Variants in CPAMD8 observed in about 807,000 individuals in gnomAD.
CPAMD8 encodes C3 and PZP like alpha-2-macroglobulin domain containing 8, also known as C3 and PZP-like alpha-2-macroglobulin domain-containing protein 8.
In CPAMD8, 146 loss-of-function variants were observed where a neutral mutation model predicts 224.7. The ratio of observed to expected loss-of-function variants is 0.65; its 90% CI spans 0.57 to 0.75. The LOEUF is 0.75. CPAMD8 is among the 30% of genes least tolerant of loss of function. The pLI is 0.00. For missense variants in CPAMD8, 2,301 were observed against 2,537.5 expected (o/e 0.91, Z 2.00); for synonymous variants, 966 against 1,044.6 (o/e 0.92, Z 1.45).
Position 17,008,501 on chromosome 19 carries a change from T to A in CPAMD8, c.559+4A>T, listed in dbSNP as rs1177706887. On this transcript the variant is annotated splice_donor_region_variant and intron_variant, in intron 7 of 41. Coordinates refer to ENST00000443236, the MANE Select transcript of CPAMD8 (RefSeq NM_015692.5). ...GCCCCCAAGCCGCAGAGGAAGAAAC[T>A]TACCGCAGCAGAACGGCTTTAAGTG... 1 of 1,612,722 alleles carries A rather than the reference T, an allele frequency of 6.2e-7. No homozygotes were observed. The highest frequency in any genetic ancestry group is 1.1e-5 in the South Asian group (1 of 91,012).
chr19:16,973,493 C>T (rs1336445889), intron 17 of CPAMD8, among the ~76,000 whole-genome samples: 3 of 151,966 alleles, frequency 2.0e-5, no homozygotes, highest in Non-Finnish European at 2.9e-5. Flanking sequence ...GGATTACAGG[C>T]GCCCACCACC....
chr19:17,012,396 G>A (rs1353655177), intron 3 of CPAMD8, among the ~76,000 whole-genome samples: 2 of 149,128 alleles, frequency 1.3e-5, no homozygotes, highest in Non-Finnish European at 3.0e-5. Context: ...TGCCCAGGCT[G>A]GAGTGCAGTG....
chr19:16,915,936 TCTC>T (rs1226315779), intron 27 of CPAMD8, among the ~76,000 whole-genome samples: 1 of 151,320 alleles, frequency 6.6e-6, no homozygotes, highest in Non-Finnish European at 1.5e-5. Context: ...TTTTTCTCTC[TCTC>T]TTTTCTTTCC....
Position 16,917,024 on chromosome 19 carries a change from G to A in CPAMD8, c.3630-2211C>T, listed in dbSNP as rs373296650. ...GTGCTGGGAATTGTGGAATTCCCATGGTCTAGCATACTGTGCTCTCTACTT... is the reference window on the plus strand; with the variant it reads ...GTGCTGGGAATTGTGGAATTCCCATAGTCTAGCATACTGTGCTCTCTACTT... On this transcript the variant is annotated intron_variant, in intron 27 of 41. Coordinates refer to ENST00000443236, the MANE Select transcript of CPAMD8 (RefSeq NM_015692.5). Among the ~76,000 whole-genome samples, 184 of 152,262 alleles carry A rather than the reference G, an allele frequency of 1.2e-3. 2 individuals are homozygous for A. In the South Asian group the frequency reaches 0.035, roughly 29 times the overall value.
chr19:16,948,100 C>T (rs964973455), intron 20 of CPAMD8, among the ~76,000 whole-genome samples: 6 of 152,200 alleles, frequency 3.9e-5, no homozygotes, highest in South Asian at 2.1e-4. Flanking sequence ...ATTGTGGGTG[C>T]ATATGCAAGC....
intron 4 of CPAMD8, 24 bp downstream of exon 4, chr19:17,011,568 C>T: frequency 6.2e-7 from 1 of 1,614,192 alleles, no homozygotes; most frequent in Non-Finnish European, 8.5e-7. Context: ...GCCGGCCCTC[C>T]CTGCATCCAT....
intron 20 of CPAMD8, among the ~76,000 whole-genome samples, chr19:16,948,842 GGAAGA>G (rs2054194132): frequency 8.5e-6 from 1 of 117,446 alleles, no homozygotes; most frequent in Non-Finnish European, 1.8e-5. Context: ...GGAGGAGAAG[GGAAGA>G]GAAGGGAAGG....
intron 22 of CPAMD8, among the ~76,000 whole-genome samples, chr19:16,942,999 TTTTTC>T (rs2053951684): frequency 7.0e-6 from 1 of 142,084 alleles, no homozygotes; most frequent in Admixed American, 7.0e-5. Context: ...ACTTTTTTCT[TTTTTC>T]TTTTTTCTTT....
intron 22 of CPAMD8, among the ~76,000 whole-genome samples, chr19:16,943,057 G>A (rs1318376281): frequency 7.0e-6 from 1 of 142,132 alleles, no homozygotes; most frequent in Admixed American, 7.3e-5. Context: ...ACCCAGGCTA[G>A]AGTGCAGTGT....
intron 6 of CPAMD8, 89 bp downstream of exon 6, chr19:17,009,214 C>G: frequency 6.2e-7 from 1 of 1,609,352 alleles, no homozygotes; most frequent in African/African-American, 1.3e-5. Context: ...ACCCAGAAGG[C>G]AGACAGTGAG....
At chr19:16,995,777 G>C (rs970614898) in intron 11 of CPAMD8, among the ~76,000 whole-genome samples, 1 of 152,166 alleles carries the variant, frequency 6.6e-6, no homozygotes, top group African/African-American at 2.4e-5. Flanking sequence ...CACTTTGGGG[G>C]TCTGAGGTAG....
rs747238752 is a variant in CPAMD8, at chr19:16,929,253, A to G, written c.2846-13T>C. On this transcript the variant is annotated splice_polypyrimidine_tract_variant and intron_variant, in intron 23 of 41. Transcript: ENST00000443236. ...ATGTGGACTCTCTCTGGATGGAGGA[A>G]AGGAGATGGGGAGTTGAGAGGGCAC... 3.9e-5 allele frequency: 62 copies of G among 1,586,070 alleles called. No homozygotes were observed. The highest frequency in any genetic ancestry group is 5.2e-5 in the Non-Finnish European group (60 of 1,161,816).
chr19:16,920,950 C>G (rs942945031), intron 27 of CPAMD8, among the ~76,000 whole-genome samples: 2 of 151,664 alleles, frequency 1.3e-5, no homozygotes, highest in Admixed American at 6.6e-5. Flanking sequence ...GCTCAGCCAG[C>G]TTTTGGAGAG....
rs777926439 is a variant in CPAMD8, at chr19:16,894,756, T to C, written c.5427-1417A>G. 8.2e-5 allele frequency: 22 copies of C among 269,048 alleles called. 1 individual carries two copies. The highest frequency in any genetic ancestry group is 3.4e-4 in the South Asian group (9 of 26,292). 16.7% of individuals were successfully genotyped at this position (269,048 alleles called of 1,614,324 possible). On this transcript the variant is annotated intron_variant, in intron 41 of 41. Transcript: ENST00000443236. ...TACCCAGCAATACAAAAGAACAAACTCCAGGCCGGGCACAGTGGCTCACGC... is the reference window on the plus strand; with the variant it reads ...TACCCAGCAATACAAAAGAACAAACCCCAGGCCGGGCACAGTGGCTCACGC...
At position 16,974,118 on chromosome 19, in the gene CPAMD8, G is replaced by A. The variant is rs541894771; in HGVS notation, c.2070+979C>T. ...GCTGGGATTACAGGCATGAGCCACC[G>A]CGCTCAGCCAGCATTAGCCCTTTTT... On this transcript the variant is annotated intron_variant, in intron 17 of 41. Coordinates refer to ENST00000443236, the MANE Select transcript of CPAMD8 (RefSeq NM_015692.5). Among the ~76,000 whole-genome samples the A allele has an allele frequency of 2.0e-5, 3 of 151,242 alleles. No individual in the cohort carries two copies. The East Asian group carries it at 5.8e-4, about 29-fold the overall frequency.
At position 16,989,770 on chromosome 19, in the gene CPAMD8, G is replaced by A; in HGVS notation, c.1268C>T (p.Thr423Ile). The change falls in exon 13 of 42, where the codon ACC becomes ATC. Residue 423 changes from threonine to isoleucine, a missense_variant and splice_region_variant. Thr to Ile is a moderately conservative substitution (Grantham distance 89). Transcript: ENST00000443236. ...CTTCCCGTTCAGTGCCATCACCTTGGTCTGAGAAGAGAAGATGCTTAGATC... is the reference window on the plus strand; with the variant it reads ...CTTCCCGTTCAGTGCCATCACCTTGATCTGAGAAGAGAAGATGCTTAGATC... The part of the protein sequence containing the change: ...PTSAQHVWLE[T>I]KVMALNGKPV... 1.2e-6 allele frequency: 2 copies of A among 1,613,792 alleles called. No individual in the cohort carries two copies. Among genetic ancestry groups the A allele is most frequent in the South Asian group, 1.1e-5 (1 of 91,064 alleles).
intron 1 of CPAMD8, 150 bp from the exon 2 acceptor site, chr19:17,022,331 C>T: frequency 1.2e-6 from 1 of 824,838 alleles, no homozygotes; most frequent in East Asian, 2.7e-5. Context: ...TCTGTGCCCC[C>T]CCATCAGTTC....
chr19:17,000,305 A>G, intron 10 of CPAMD8, 109 bp downstream of exon 10: 1 of 601,124 alleles, frequency 1.7e-6, no homozygotes, highest in Non-Finnish European at 3.0e-6. Flanking sequence ...AAACTTTTTA[A>G]AGGCAGTAAA....
intron 19 of CPAMD8, among the ~76,000 whole-genome samples, chr19:16,954,573 C>A (rs979197857): frequency 6.6e-6 from 1 of 152,136 alleles, no homozygotes; most frequent in Non-Finnish European, 1.5e-5. Flanking sequence ...TTGTATACCC[C>A]TGTTCACAGC....
Sources: gnomAD v4.1 joint callset for allele counts (sites outside exome capture counted in the v4.1 genomes callset) on GRCh38, gnomAD v4.1.1 for gene constraint, MANE v1.5 for transcripts, NCBI Gene and HGNC (gene_info 2026-07-23, HGNC 2026-07-21) for gene names.